SHTN1: variants seen among roughly 807,000 people sequenced by gnomAD.
SHTN1 encodes shootin-1.
SHTN1 carries 42 observed loss-of-function variants against 83.1 expected under a neutral mutation model. That is an observed-to-expected ratio of 0.51 (90% CI 0.39 to 0.65). The LOEUF (loss-of-function observed/expected upper bound fraction) is 0.65. Ranked by LOEUF, SHTN1 falls within the 30% of genes least tolerant of loss-of-function variation. The pLI is 0.00. For missense variants in SHTN1, 622 were observed against 737.8 expected (o/e 0.84, Z 1.82); for synonymous variants, 224 against 247.7 (o/e 0.90, Z 0.90).
chr10:116,988,517 T>C (rs922070673), intron 1 of SHTN1, among the ~76,000 whole-genome samples: 11 of 148,598 alleles, frequency 7.4e-5, no homozygotes, highest in African/African-American at 2.7e-4. Flanking sequence ...TTATATTTTA[T>C]CTTATTTTAC....
intron 3 of SHTN1, among the ~76,000 whole-genome samples, chr10:116,960,924 G>C (rs1430087842): frequency 6.6e-6 from 1 of 152,070 alleles, no homozygotes; most frequent in African/African-American, 2.4e-5. Flanking sequence ...TCGAAAAATT[G>C]TATTTTTTAG....
rs148055076 is a variant in SHTN1 at position 117,119,862 on chromosome 10, T to G, written c.-189+6445A>C. On this transcript the variant is annotated intron_variant, in intron 1 of 17. Transcript: ENST00000392901. ...CAGTTGTAAAAAAAAAAAAATAAGA[T>G]CCTGTCATTTGCAACAACATGGATG... 2.1e-3 allele frequency among the ~76,000 whole-genome samples: 312 copies of G among 150,568 alleles called. 3 individuals are homozygous for G. Among genetic ancestry groups the G allele is most frequent in the African/African-American group, 7.2e-3 (297 of 41,158 alleles).
chr10:117,086,783 C>G (rs10886040), intron 1 of SHTN1, among the ~76,000 whole-genome samples: 30,391 of 152,030 alleles, frequency 0.2, 3,347 homozygotes, highest in East Asian at 0.43. Flanking sequence ...AACAGGGACT[C>G]AAACAGATAC....
chr10:117,053,970 C>A (rs1269080929), intron 1 of SHTN1, among the ~76,000 whole-genome samples: 3 of 152,052 alleles, frequency 2.0e-5, no homozygotes, highest in Non-Finnish European at 4.4e-5. Flanking sequence ...AAACATTATG[C>A]CAAGTGAAAG....
intron 16 of SHTN1, among the ~76,000 whole-genome samples, chr10:116,896,489 A>G (rs1453979349): frequency 1.3e-5 from 2 of 152,204 alleles, no homozygotes; most frequent in African/African-American, 4.8e-5. Context: ...GGTAAATGTG[A>G]TTGGCAGGCA....
intron 1 of SHTN1, among the ~76,000 whole-genome samples, chr10:117,118,088 C>G (rs1853873785): frequency 6.6e-6 from 1 of 152,068 alleles, no homozygotes; most frequent in Non-Finnish European, 1.5e-5. Context: ...AAACAAATAA[C>G]AAAGTGAAGA....
intron 1 of SHTN1, among the ~76,000 whole-genome samples, chr10:116,979,887 C>T (rs1270690294): frequency 3.3e-5 from 5 of 152,074 alleles, no homozygotes; most frequent in Admixed American, 3.3e-4. Flanking sequence ...GCTTTATTCA[C>T]AAAGCAAAAA....
rs116187596 is a variant in SHTN1, at chr10:117,124,368, G to T, written c.-189+1939C>A. Reference sequence around the variant, plus strand: ...TTTGACAGTGAAGCAAAACTCAGGAGTTAAGCATCATGTTCAGAGTGGTAT... The same window carrying T: ...TTTGACAGTGAAGCAAAACTCAGGATTTAAGCATCATGTTCAGAGTGGTAT... On this transcript the variant is annotated intron_variant, in intron 1 of 17. Coordinates refer to the SHTN1 transcript ENST00000392901. 5.6e-3 allele frequency among the ~76,000 whole-genome samples: 859 copies of T among 152,234 alleles called. 4 individuals carry two copies. Among genetic ancestry groups the T allele is most frequent in the African/African-American group, 0.019 (789 of 41,528 alleles).
At chr10:117,103,988 C>T (rs771713783) in intron 1 of SHTN1, among the ~76,000 whole-genome samples, 3 of 151,952 alleles carry the variant, frequency 2.0e-5, no homozygotes, top group African/African-American at 7.3e-5. Flanking sequence ...CAGTAAATTC[C>T]TCAATTGCCT....
chr10:117,112,119 C>T (rs142516585), intron 1 of SHTN1, among the ~76,000 whole-genome samples: 4,438 of 152,232 alleles, frequency 0.029, 147 homozygotes, highest in East Asian at 0.12. Context: ...GCACACGCCA[C>T]CATGCCCGGC....
intron 1 of SHTN1, among the ~76,000 whole-genome samples, chr10:117,121,602 T>G (rs1415312813): frequency 1.3e-5 from 2 of 152,010 alleles, no homozygotes; most frequent in African/African-American, 4.8e-5. Flanking sequence ...ATAAATTTTA[T>G]ACATGTTTTA....
chr10:116,888,550 ATCTC>A (rs954142144), intron 16 of SHTN1, among the ~76,000 whole-genome samples: 1 of 152,118 alleles, frequency 6.6e-6, no homozygotes, highest in Non-Finnish European at 1.5e-5. Flanking sequence ...AGCTGCACCT[ATCTC>A]TCTCTCACAA....
intron 2 of SHTN1, among the ~76,000 whole-genome samples, chr10:117,029,134 A>G (rs2133570614): frequency 6.6e-6 from 1 of 152,310 alleles, no homozygotes; most frequent in South Asian, 2.1e-4. Context: ...TGGGACGTGG[A>G]GTCAAAGGAG....
chr10:116,985,986 T>A (rs1157991006), intron 1 of SHTN1, among the ~76,000 whole-genome samples: 1 of 152,218 alleles, frequency 6.6e-6, no homozygotes, highest in Admixed American at 6.5e-5. Context: ...ACAGATTTCA[T>A]ATCCTGAAAA....
intron 3 of SHTN1, among the ~76,000 whole-genome samples, chr10:116,966,641 G>A (rs1433952879): frequency 2.0e-5 from 3 of 152,172 alleles, no homozygotes; most frequent in Non-Finnish European, 4.4e-5. Context: ...TACTTCGAAG[G>A]TTGATTTTGG....
At chr10:117,111,305 T>G (rs1853764888) in intron 1 of SHTN1, among the ~76,000 whole-genome samples, 1 of 152,108 alleles carries the variant, frequency 6.6e-6, no homozygotes, top group African/African-American at 2.4e-5. Context: ...TCTTTCTTTC[T>G]TTCTTTGAGA....
intron 13 of SHTN1, 43 bp from the exon 14 acceptor site, chr10:116,911,886 T>C (rs1240477448): frequency 5.1e-6 from 7 of 1,384,768 alleles, no homozygotes. Context: ...GTAATTCAGT[T>C]TAAAAATACT....
At chr10:117,084,605 C>G (rs1853319237) in intron 1 of SHTN1, among the ~76,000 whole-genome samples, 1 of 152,206 alleles carries the variant, frequency 6.6e-6, no homozygotes, top group South Asian at 2.1e-4. Flanking sequence ...CCTAAGCAAG[C>G]CTGGGCAATG....
intron 8 of SHTN1, among the ~76,000 whole-genome samples, chr10:116,942,281 C>T (rs1011478996): frequency 2.0e-5 from 3 of 151,446 alleles, no homozygotes; most frequent in African/African-American, 4.9e-5. Flanking sequence ...GGCACAATCT[C>T]GGCTCACTGC....
Sources: allele counts gnomAD v4.1 joint callset (sites outside exome capture counted in the v4.1 genomes callset), GRCh38; gene constraint gnomAD v4.1.1; transcripts MANE v1.5; gene names NCBI Gene and HGNC (gene_info 2026-07-23, HGNC 2026-07-21).